The following PSMD1 variants were observed in gnomAD, a reference collection of about 807,000 sequenced individuals.
PSMD1 encodes proteasome 26S subunit, non-ATPase 1, also known as 26S proteasome non-ATPase regulatory subunit 1.
A neutral mutation model predicts 119.0 loss-of-function variants in PSMD1; 18 were observed. The observed-to-expected ratio is 0.15, with a 90% CI of 0.10 to 0.22. The LOEUF is 0.22. PSMD1 is among the 10% of genes least tolerant of loss of function. The pLI, the probability that PSMD1 is intolerant of heterozygous loss-of-function variation, is 1.00. For synonymous variants in PSMD1, 374 were observed against 396.6 expected (o/e 0.94, Z 0.68); for missense variants, 702 against 1,158.5 (o/e 0.61, Z 5.72).
intron 16 of PSMD1, among the ~76,000 whole-genome samples, chr2:231,137,055 A>T (rs904902996): frequency 2.1e-5 from 3 of 145,042 alleles, no homozygotes; most frequent in African/African-American, 7.5e-5. Context: ...TAATATATAA[A>T]TATATATATT....
intron 16 of PSMD1, chr2:231,109,537 G>C: frequency 1.3e-6 from 1 of 788,492 alleles, no homozygotes; most frequent in East Asian, 2.6e-5. Context: ...GACCCACAAT[G>C]CAGGATTTGT....
rs149133426 is a variant in PSMD1 at position 231,161,650 on chromosome 2, C to G, written c.2388+141C>G. ...ATAACATTTTCCCTTCAAGTTGAAT[C>G]GTCACCTTTTTGAATGGAGTGTGTC... is the stretch of plus-strand genomic sequence containing the variant. On this transcript the variant is annotated intron_variant, in intron 20 of 24. Transcript: ENST00000308696. The G allele has an allele frequency of 5.5e-4, 535 of 974,786 alleles. 1 individual carries two copies. In the African/African-American group the frequency reaches 8.2e-3, roughly 15 times the overall value. 60.4% of individuals were successfully genotyped at this position (974,786 alleles called of 1,614,324 possible).
chr2:231,060,480 G>A (rs558103989), intron 1 of PSMD1: 3 of 152,310 alleles, frequency 2.0e-5, no homozygotes, highest in African/African-American at 7.2e-5. Flanking sequence ...TGTGGTCTTA[G>A]TACAATAATT....
chr2:231,058,612 G>A (rs1196310291), intron 1 of PSMD1, among the ~76,000 whole-genome samples: 1 of 151,682 alleles, frequency 6.6e-6, no homozygotes, highest in East Asian at 1.9e-4. Flanking sequence ...GCCCAGGGGA[G>A]CCAAAAGGTT....
chr2:231,087,833 G>A (rs545629644), intron 16 of PSMD1, among the ~76,000 whole-genome samples: 1 of 152,138 alleles, frequency 6.6e-6, no homozygotes, highest in Non-Finnish European at 1.5e-5. Flanking sequence ...GTGGTGGCAC[G>A]CACCTGTAAT....
intron 18 of PSMD1, among the ~76,000 whole-genome samples, chr2:231,151,255 A>C (rs1696371524): frequency 1.3e-5 from 2 of 152,066 alleles, no homozygotes; most frequent in Non-Finnish European, 2.9e-5. Flanking sequence ...GATTACCATT[A>C]ATTGCTTGTG....
chr2:231,062,434 G>C lies in PSMD1; in HGVS notation c.135-72G>C. The C allele has an allele frequency of 3.3e-6, 5 of 1,524,902 alleles. No individual in the cohort carries two copies. In the South Asian group the frequency reaches 6.2e-5, roughly 19 times the overall value. The allele number at this position is 1,524,902 out of a possible 1,614,324, so 94.5% of individuals were successfully genotyped here. ...TTTGCTGTTAACTGAATTGTGGCTT[G>C]AATATTTAGATTTGGGATTTTTAGG... On this transcript the variant is annotated intron_variant, in intron 3 of 24. Transcript: ENST00000308696.
At chr2:231,124,738 T>G (rs1695676723) in intron 16 of PSMD1, among the ~76,000 whole-genome samples, 1 of 152,208 alleles carries the variant, frequency 6.6e-6, no homozygotes, top group African/African-American at 2.4e-5. Flanking sequence ...GTTTATTTTT[T>G]TAACCTTCCC....
At chr2:231,076,906 A>C in intron 8 of PSMD1, 128 bp from the exon 9 acceptor site, 1 of 765,658 alleles carries the variant, frequency 1.3e-6, no homozygotes, top group South Asian at 2.9e-5. Context: ...TAAAGAAAGA[A>C]ATAAATTATC....
At chr2:231,108,947 G>C (rs1364650692) in intron 16 of PSMD1, 1 of 1,613,838 alleles carries the variant, frequency 6.2e-7, no homozygotes, top group Non-Finnish European at 8.5e-7. Context: ...AATAAAGAAG[G>C]GACACCACAT....
At chr2:231,099,322 AGACACTGG>A (rs1180704223) in intron 16 of PSMD1, among the ~76,000 whole-genome samples, 3 of 152,198 alleles carry the variant, frequency 2.0e-5, no homozygotes, top group African/African-American at 7.2e-5. Flanking sequence ...GTTCTTCCTG[AGACACTGG>A]ACTTTTACCA....
At position 231,078,643 on chromosome 2, in the gene PSMD1, GTATT is replaced by G. The variant is rs1199736453; in HGVS notation, c.1072-14_1072-11del. 6.3e-7 allele frequency: 1 copy of G among 1,588,646 alleles called. No individual in the cohort carries two copies. The highest frequency in any genetic ancestry group is 1.8e-5 in the Admixed American group (1 of 56,164). ...ACTTTGCCAGTGATGAAACAATTCT[GTATT>G]TGTTGTTGCAGGATGCAGTACGGAA... is the stretch of plus-strand genomic sequence containing the variant. On this transcript the variant is annotated splice_polypyrimidine_tract_variant and intron_variant, in intron 9 of 24. Coordinates refer to ENST00000308696, the MANE Select transcript of PSMD1 (RefSeq NM_002807.4).
At position 231,082,880 on chromosome 2, in the gene PSMD1, T is replaced by C. The variant is rs780278496; in HGVS notation, c.1414-3T>C. ...ATCAATGGAATCTATGTTTTTTCCT[T>C]AGATCGTTAGACACGGTGGCAGTCT... On this transcript the variant is annotated splice_region_variant and splice_polypyrimidine_tract_variant and intron_variant, in intron 12 of 24. Transcript: ENST00000308696. 1.2e-5 allele frequency: 19 copies of C among 1,610,112 alleles called. No individual in the cohort carries two copies. The highest frequency in any genetic ancestry group is 1.5e-5 in the Non-Finnish European group (18 of 1,176,570).
chr2:231,091,870 C>A (rs940814397), intron 16 of PSMD1, among the ~76,000 whole-genome samples: 1 of 152,172 alleles, frequency 6.6e-6, no homozygotes, highest in African/African-American at 2.4e-5. Flanking sequence ...GACACAGATA[C>A]ACTTATGCTC....
At chr2:231,125,757 T>C (rs756056059) in intron 16 of PSMD1, among the ~76,000 whole-genome samples, 16 of 152,264 alleles carry the variant, frequency 1.1e-4, no homozygotes, top group Non-Finnish European at 1.8e-4. Flanking sequence ...TTAAGTTTTC[T>C]GTAACCATAA....
chr2:231,163,659 A>C lies in PSMD1; in HGVS notation c.2413A>C (p.Asn805His). The C allele has an allele frequency of 1.2e-6, 2 of 1,612,936 alleles. No homozygotes were observed. The highest frequency in any genetic ancestry group is 1.7e-6 in the Non-Finnish European group (2 of 1,179,148). ...LKMPKVQYKS[N>H]CKPSTFAYPA... ...GATGCCGAAAGTTCAGTATAAATCG[A>C]ACTGTAAACCATCCACATTTGCATA... Residue 805 changes from asparagine to histidine, a missense_variant, in exon 21 of 25, where the codon AAC becomes CAC. Coordinates refer to ENST00000308696, the MANE Select transcript of PSMD1 (RefSeq NM_002807.4).
At chr2:231,134,134 A>G (rs971218168) in intron 16 of PSMD1, among the ~76,000 whole-genome samples, 2 of 152,236 alleles carry the variant, frequency 1.3e-5, no homozygotes, top group African/African-American at 2.4e-5. Context: ...ACTGCTGCCT[A>G]TTATATTATA....
At chr2:231,087,084 T>C (rs780517207) in intron 15 of PSMD1, 33 bp from the exon 16 acceptor site, 1 of 1,587,900 alleles carries the variant, frequency 6.3e-7, no homozygotes, top group South Asian at 1.1e-5. Context: ...GTAGACTACA[T>C]AGTATAATAT....
chr2:231,155,586 T>G (rs902883480), intron 19 of PSMD1, among the ~76,000 whole-genome samples: 1 of 151,990 alleles, frequency 6.6e-6, no homozygotes, highest in Non-Finnish European at 1.5e-5. Flanking sequence ...TCTCTATTTA[T>G]GTACTTTGTT....
Sources: gnomAD v4.1 joint callset for allele counts (sites outside exome capture counted in the v4.1 genomes callset) on GRCh38, gnomAD v4.1.1 for gene constraint, MANE v1.5 for transcripts, NCBI Gene and HGNC (gene_info 2026-07-23, HGNC 2026-07-21) for gene names.